Variants in PGM2 observed in about 807,000 individuals in gnomAD.
The protein encoded by PGM2 is phosphopentomutase.
A neutral mutation model predicts 74.6 loss-of-function variants in PGM2; 57 were observed. The ratio of observed to expected loss-of-function variants is 0.76; its 90% confidence interval spans 0.62 to 0.95. The LOEUF is 0.95. PGM2 is among the 40% of genes least tolerant of loss of function. PGM2 has a pLI of 0.00. For missense variants in PGM2, 706 were observed against 741.9 expected (o/e 0.95, Z 0.56); for synonymous variants, 273 against 260.7 (o/e 1.05, Z -0.46).
rs117552277 is a variant in PGM2, at chr4:37,832,378, A to G, written c.250-2240A>G. Among the ~76,000 whole-genome samples the G allele has an allele frequency of 4.6e-5, 7 of 152,194 alleles. No homozygotes were observed. The East Asian group carries it at 1.2e-3, about 25-fold the overall frequency. On this transcript the variant is annotated intron_variant, in intron 2 of 13. Coordinates refer to ENST00000381967, the MANE Select transcript of PGM2 (RefSeq NM_018290.4). Reference sequence around the variant, plus strand: ...TTCCCTGGCAGAATGCTGATATGCAAATATATTTGTCACTTTTCACTGATC... The same window carrying G: ...TTCCCTGGCAGAATGCTGATATGCAGATATATTTGTCACTTTTCACTGATC...
intron 3 of PGM2, among the ~76,000 whole-genome samples, chr4:37,836,369 T>C (rs560721904): frequency 1.3e-5 from 2 of 152,310 alleles, no homozygotes; most frequent in South Asian, 4.1e-4. Flanking sequence ...AAAATATTCA[T>C]GATGAGTGAA....
chr4:37,850,348 A>T lies in PGM2; in HGVS notation c.1577A>T (p.Asp526Val). The T allele has an allele frequency of 6.4e-7, 1 of 1,560,474 alleles. No individual in the cohort carries two copies. The highest frequency in any genetic ancestry group is 8.6e-7 in the Non-Finnish European group (1 of 1,162,024). The change falls in exon 12 of 14, where the codon GAT becomes GTT. Residue 526 changes from aspartate to valine, a missense_variant. Around this residue, in one of 3 missense-constraint regions of PGM2, gnomAD observed 359 missense variants for 371.1 expected, o/e 0.97. Transcript: ENST00000381967. ...SAIRDLTTGY[D>V]DSQPDKKAVL... is the part of the protein sequence containing the mutation. ...ATTAGGGACCTTACAACTGGCTATG[A>T]TGATAGCCAACCTGATAAAAAAGCT...
chr4:37,849,227 A>G (rs968251740), intron 11 of PGM2, among the ~76,000 whole-genome samples: 1 of 152,146 alleles, frequency 6.6e-6, no homozygotes, highest in African/African-American at 2.4e-5. Flanking sequence ...AAAAGATTGA[A>G]TGTCTTCATA....
At chr4:37,851,814 A>G (rs1233988851) in intron 12 of PGM2, among the ~76,000 whole-genome samples, 1 of 152,172 alleles carries the variant, frequency 6.6e-6, no homozygotes, top group Non-Finnish European at 1.5e-5. Context: ...TCCTCACAGT[A>G]CGTTTATGCC....
intron 12 of PGM2, 133 bp from the exon 13 acceptor site, chr4:37,855,474 GA>G (rs1553887199): frequency 1.4e-6 from 1 of 723,816 alleles, no homozygotes; most frequent in Non-Finnish European, 2.2e-6. Flanking sequence ...TACATTTTCT[GA>G]TTTCCTCCAG....
At chr4:37,860,014 A>G (rs1711709224) in intron 13 of PGM2, among the ~76,000 whole-genome samples, 1 of 152,202 alleles carries the variant, frequency 6.6e-6, no homozygotes, top group Admixed American at 6.6e-5. Flanking sequence ...TAAGAATTGT[A>G]CCACTAAACC....
At chr4:37,829,787 A>G (rs1560410746) in intron 1 of PGM2, among the ~76,000 whole-genome samples, 177 bp from the exon 2 acceptor site, 1 of 152,058 alleles carries the variant, frequency 6.6e-6, no homozygotes, top group Admixed American at 6.6e-5. Context: ...CACTTACATT[A>G]TAATGTCAAA....
intron 4 of PGM2, 116 bp downstream of exon 4, chr4:37,837,729 C>G (rs543534472): frequency 4.0e-6 from 3 of 743,294 alleles, no homozygotes; most frequent in East Asian, 4.9e-5. Context: ...AGAGGAGTTC[C>G]TTGGCATGTA....
intron 13 of PGM2, among the ~76,000 whole-genome samples, chr4:37,858,812 T>C (rs1711658972): frequency 6.6e-6 from 1 of 152,190 alleles, no homozygotes; most frequent in Non-Finnish European, 1.5e-5. Context: ...AAATATATTT[T>C]TGTCAGGGGA....
chr4:37,832,395 T>G (rs926070643), intron 2 of PGM2, among the ~76,000 whole-genome samples: 3 of 152,232 alleles, frequency 2.0e-5, no homozygotes, highest in African/African-American at 7.2e-5. Context: ...TTGTCACTTT[T>G]CACTGATCAG....
intron 6 of PGM2, 39 bp downstream of exon 6, chr4:37,840,298 A>C: frequency 1.5e-6 from 2 of 1,292,150 alleles, no homozygotes; most frequent in Non-Finnish European, 2.2e-6. Context: ...AAGTGAGTTA[A>C]TGTGATTCAG....
In PGM2 at chr4:37,847,110, A is replaced by G; in HGVS notation, c.1187A>G (p.Glu396Gly). Reference protein sequence around the residue: ...AIALKEGFHFEETLTGFKWMG... With the variant: ...AIALKEGFHFGETLTGFKWMG... ...GCCTTAAAGGAAGGTTTTCATTTTG[A>G]GGTAGGGTGTTTCTGGGACTCACTC... Residue 396 changes from glutamate to glycine, a missense_variant and splice_region_variant, in exon 9 of 14, where the codon GAG becomes GGG. Glu to Gly is a moderately conservative substitution (Grantham distance 98). Around this residue, in one of 3 missense-constraint regions of PGM2, gnomAD observed 359 missense variants for 371.1 expected, o/e 0.97. Coordinates refer to ENST00000381967, the MANE Select transcript of PGM2 (RefSeq NM_018290.4). 1 of 1,612,040 alleles carries G rather than the reference A, an allele frequency of 6.2e-7. No homozygotes were observed. Among genetic ancestry groups the G allele is most frequent in the African/African-American group, 1.3e-5 (1 of 74,928 alleles).
At chr4:37,853,599 TAC>T (rs1333267610) in intron 12 of PGM2, among the ~76,000 whole-genome samples, 1 of 152,160 alleles carries the variant, frequency 6.6e-6, no homozygotes, top group Non-Finnish European at 1.5e-5. Context: ...AAGCTCTGTG[TAC>T]ATATGCAGAT....
At position 37,847,058 on chromosome 4, in the gene PGM2, G is replaced by A. The variant is rs781317423; in HGVS notation, c.1135G>A (p.Val379Ile). The A allele has an allele frequency of 1.5e-5, 25 of 1,613,578 alleles. No homozygotes were observed. The highest frequency in any genetic ancestry group is 1.6e-4 in the Middle Eastern group (1 of 6,082). The change falls in exon 9 of 14, where the codon GTC becomes ATC. Residue 379 changes from valine to isoleucine, a missense_variant. Coordinates refer to ENST00000381967, the MANE Select transcript of PGM2 (RefSeq NM_018290.4). Reference sequence around the variant, plus strand: ...AGACACGTACATGTTGTCCAGCACCGTCTCCTCCAAAATCTTGCGGGCCAT... The same window carrying A: ...AGACACGTACATGTTGTCCAGCACCATCTCCTCCAAAATCTTGCGGGCCAT... ...LKDTYMLSST[V>I]SSKILRAIAL...
chr4:37,846,374 T>C (rs1165534588), intron 8 of PGM2, among the ~76,000 whole-genome samples: 1 of 152,192 alleles, frequency 6.6e-6, no homozygotes, highest in East Asian at 1.9e-4. Flanking sequence ...TATATCAGTG[T>C]TGAGAAAGTT....
At chr4:37,828,731 C>T (rs568108054) in intron 1 of PGM2, among the ~76,000 whole-genome samples, 4 of 152,312 alleles carry the variant, frequency 2.6e-5, no homozygotes, top group African/African-American at 7.2e-5. Flanking sequence ...AAGGGAGGAT[C>T]ACTCGATATT....
At chr4:37,832,829 TA>T (rs1484712864) in intron 2 of PGM2, among the ~76,000 whole-genome samples, 1 of 152,246 alleles carries the variant, frequency 6.6e-6, no homozygotes, top group Non-Finnish European at 1.5e-5. Flanking sequence ...GTCATACACA[TA>T]AACTTGCTTC....
intron 8 of PGM2, among the ~76,000 whole-genome samples, 160 bp from the exon 9 acceptor site, chr4:37,846,771 C>A (rs1273660818): frequency 6.6e-6 from 1 of 152,214 alleles, no homozygotes; most frequent in Non-Finnish European, 1.5e-5. Context: ...ATGGCAGTTA[C>A]ATTTCTGACC....
rs190397532 is a variant in PGM2, at chr4:37,848,571, T to C, written c.1332T>C (p.Ala444=). ...FVLDKDGVSA[A]VISAELASFL... is the part of the protein sequence containing the mutation. ...TGGACAAAGATGGAGTCAGTGCCGC[T>C]GTCATAAGTGCAGAGTTGGCTAGCT... Residue 444 remains alanine, a synonymous_variant, in exon 11 of 14, where the codon GCT becomes GCC. Coordinates refer to ENST00000381967, the MANE Select transcript of PGM2 (RefSeq NM_018290.4). The C allele has an allele frequency of 1.8e-5, 29 of 1,613,688 alleles. No individual in the cohort carries two copies. The highest frequency in any genetic ancestry group is 3.3e-4 in the Middle Eastern group (2 of 6,058).
Sources: gnomAD v4.1 joint callset for allele counts (sites outside exome capture counted in the v4.1 genomes callset) on GRCh38, gnomAD v4.1.1 for gene constraint, gnomAD v4.1.1 regional missense constraint, MANE v1.5 for transcripts, NCBI Gene and HGNC (gene_info 2026-07-23, HGNC 2026-07-21) for gene names.